Variants in SLC6A12 observed in about 807,000 individuals in gnomAD.
The protein encoded by SLC6A12 is solute carrier family 6 member 12, also known as sodium- and chloride-dependent betaine transporter.
Under a neutral mutation model 73.3 loss-of-function variants are expected in SLC6A12, and 50 were observed. The observed-to-expected ratio is 0.68, with a 90% CI of 0.54 to 0.86. The LOEUF (loss-of-function observed/expected upper bound fraction) is 0.86. Among genes scored for constraint, SLC6A12 ranks in the 40% least tolerant of loss-of-function variants. SLC6A12 has a pLI of 0.00. For missense variants in SLC6A12, 648 were observed against 772.8 expected (o/e 0.84, Z 1.92); for synonymous variants, 304 against 309.2 (o/e 0.98, Z 0.18).
At chr12:204,478 A>G (rs1003697254) in intron 4 of SLC6A12, 86 bp downstream of exon 4, 69 of 1,296,284 alleles carry the variant, frequency 5.3e-5, no homozygotes, top group Admixed American at 1.2e-4. Context: ...TGGGTGAAGC[A>G]GCGGATGGGT....
chr12:187,593 A>AGAGC (rs1366696643), downstream of SLC6A12, among the ~76,000 whole-genome samples: 27 of 4,212 alleles, frequency 6.4e-3, no homozygotes, highest in African/African-American at 9.9e-3. Context: ...AAAGAGCAAA[A>AGAGC]AAAAAAAAAA....
downstream of SLC6A12, among the ~76,000 whole-genome samples, chr12:187,450 A>C (rs1025114716): frequency 6.6e-6 from 1 of 151,342 alleles, no homozygotes; most frequent in Non-Finnish European, 1.5e-5. Flanking sequence ...GCGCGTCTGG[A>C]GTTTTTTTTT....
chr12:202,636 G>T, intron 5 of SLC6A12, 104 bp downstream of exon 5: 1 of 1,250,370 alleles, frequency 8.0e-7, no homozygotes, highest in Non-Finnish European at 1.1e-6. Context: ...TTGGCTGCCA[G>T]GCAGGTTCTG....
At chr12:197,256 A>T (rs1056752189) in intron 10 of SLC6A12, 121 bp downstream of exon 10, 1 of 1,151,772 alleles carries the variant, frequency 8.7e-7, no homozygotes, top group East Asian at 3.0e-5. Context: ...TAAAATTAAA[A>T]CCTACTACCC....
At position 205,493 on chromosome 12, in the gene SLC6A12, A is replaced by G. The variant is rs151284204; in HGVS notation, c.215-795T>C. On this transcript the variant is annotated intron_variant, in intron 3 of 15. Coordinates refer to ENST00000684302, the MANE Select transcript of SLC6A12 (RefSeq NM_001122848.3). ...CTCCCATGGGGCAGGCTCTACTGTT[A>G]TCCCCATTTTGCAGATAATAAAACT... 2.8e-3 allele frequency among the ~76,000 whole-genome samples: 434 copies of G among 152,350 alleles called. 1 individual carries two copies. The highest frequency in any genetic ancestry group is 4.6e-3 in the Non-Finnish European group (314 of 68,044).
rs1322297476 is a variant in SLC6A12, at chr12:190,227, CTT to C, written c.*839_*840del. On this transcript the variant is annotated 3_prime_UTR_variant, in exon 16 of 16. Coordinates refer to ENST00000684302, the MANE Select transcript of SLC6A12 (RefSeq NM_001122848.3). Reference sequence around the variant, plus strand: ...TGAACTTGAAAAAGTCCCTTTGTCTCTTTGGTCTCCAGGTTCCTCATCCATGA... The same window carrying C: ...TGAACTTGAAAAAGTCCCTTTGTCTCTGGTCTCCAGGTTCCTCATCCATGA... 1 of 152,252 alleles carries C rather than the reference CTT, an allele frequency of 6.6e-6. No homozygotes were observed. The highest frequency in any genetic ancestry group is 1.5e-5 in the Non-Finnish European group (1 of 68,058). The allele number at this position is 152,252 out of a possible 1,614,324, so 9.4% of individuals were successfully genotyped here.
rs954275530 is a variant in SLC6A12 at position 213,895 on chromosome 12, G to C, written c.-143+27C>G. 3.3e-5 allele frequency: 5 copies of C among 152,782 alleles called. No individual in the cohort carries two copies. The highest frequency in any genetic ancestry group is 1.2e-4 in the African/African-American group (5 of 41,556). The allele number at this position is 152,782 out of a possible 1,614,324, so 9.5% of individuals were successfully genotyped here. A position where few individuals can be genotyped will look rare whatever the true frequency, so the allele number is the denominator to read the frequency against. ...GCAGCAGTTGGAGACTGCAAAGACA[G>C]AGCCAGCCCCTCCACTTCCCGCTCA... is the stretch of plus-strand genomic sequence containing the variant. On this transcript the variant is annotated intron_variant, in intron 1 of 15. Coordinates refer to ENST00000684302, the MANE Select transcript of SLC6A12 (RefSeq NM_001122848.3). This position sits in a 1 kb window ranked among gnomAD's most constrained non-coding sequence, Gnocchi z 5.3.
At chr12:203,069 T>C (rs1407410186) in intron 4 of SLC6A12, among the ~76,000 whole-genome samples, 189 bp from the exon 5 acceptor site, 14 of 137,798 alleles carry the variant, frequency 1.0e-4, no homozygotes, top group South Asian at 2.5e-4. Flanking sequence ...CTTTTTTTTT[T>C]TTTTTTTTTT....
At chr12:197,796 A>G in intron 9 of SLC6A12, 104 bp downstream of exon 9, 1 of 801,584 alleles carries the variant, frequency 1.2e-6, no homozygotes, top group Non-Finnish European at 2.0e-6. Flanking sequence ...TACAACGTAT[A>G]ATGAATAAGG....
intron 4 of SLC6A12, 42 bp from the exon 5 acceptor site, chr12:202,922 A>C: frequency 1.9e-6 from 3 of 1,591,458 alleles, no homozygotes; most frequent in Non-Finnish European, 2.6e-6. Context: ...AAGAGAGATC[A>C]ATGTTAGCAA....
At chr12:191,441 G>A (rs529728788) in intron 15 of SLC6A12, among the ~76,000 whole-genome samples, 10 of 152,292 alleles carry the variant, frequency 6.6e-5, no homozygotes, top group South Asian at 6.2e-4. Flanking sequence ...GCCGACCTGC[G>A]CCACCTAAGG....
intron 5 of SLC6A12, 84 bp downstream of exon 5, chr12:202,656 T>C: frequency 2.1e-6 from 3 of 1,435,380 alleles, no homozygotes; most frequent in Non-Finnish European, 2.9e-6. Flanking sequence ...GCTACACTTA[T>C]ACTCCCCGTC....
At position 196,227 on chromosome 12, in the gene SLC6A12, A is replaced by C; in HGVS notation, c.1223T>G (p.Ile408Arg). The change falls in exon 12 of 16, where the codon ATA becomes AGA. Residue 408 changes from isoleucine to arginine, a missense_variant. Transcript: ENST00000684302. Reference sequence around the variant, plus strand: ...CCGGAGCTGCCTGGGGAACATGTCTATGGAGGCTGTCACCAGGCACTCCAC... The same window carrying C: ...CCGGAGCTGCCTGGGGAACATGTCTCTGGAGGCTGTCACCAGGCACTCCAC... ...VCVECLVTAS[I>R]DMFPRQLRKS... 1 of 1,604,690 alleles carries C rather than the reference A, an allele frequency of 6.2e-7. No homozygotes were observed. Among genetic ancestry groups the C allele is most frequent in the Non-Finnish European group, 8.5e-7 (1 of 1,176,848 alleles).
intron 2 of SLC6A12, chr12:210,262 AC>A: frequency 8.7e-7 from 1 of 1,143,228 alleles, no homozygotes; most frequent in Non-Finnish European, 1.2e-6. Context: ...GAAGTGATTC[AC>A]CCAAGACCAC....
intron 2 of SLC6A12, 39 bp from the exon 3 acceptor site, chr12:210,082 T>C: frequency 6.6e-7 from 1 of 1,510,562 alleles, no homozygotes; most frequent in Non-Finnish European, 8.9e-7. Flanking sequence ...AAACCCGACA[T>C]GCTCCCGCCA....
downstream of SLC6A12, among the ~76,000 whole-genome samples, chr12:186,343 C>T (rs192032620): frequency 3.4e-4 from 52 of 152,324 alleles, no homozygotes; most frequent in Middle Eastern, 6.8e-3. Flanking sequence ...CAGCTGTCAG[C>T]CAGGTGAAGG....
At chr12:187,927 G>A (rs942453745), downstream of SLC6A12, among the ~76,000 whole-genome samples, 11 of 152,164 alleles carry the variant, frequency 7.2e-5, no homozygotes, top group African/African-American at 2.7e-4. Context: ...GCTAGACACA[G>A]GGTGCTGATT....
At chr12:187,271 G>A (rs987317085), downstream of SLC6A12, among the ~76,000 whole-genome samples, 2 of 152,080 alleles carry the variant, frequency 1.3e-5, no homozygotes, top group African/African-American at 2.4e-5. Context: ...GCATGAAGCC[G>A]CAGACCCTCA....
chr12:206,217 C>G (rs1206118543), intron 3 of SLC6A12, among the ~76,000 whole-genome samples: 1 of 152,330 alleles, frequency 6.6e-6, no homozygotes, highest in East Asian at 1.9e-4. Flanking sequence ...ACTCTGTACA[C>G]GTTAAACACT....
Sources: allele counts gnomAD v4.1 joint callset (sites outside exome capture counted in the v4.1 genomes callset), GRCh38; gene constraint gnomAD v4.1.1; non-coding constraint Gnocchi (gnomAD v3.1); transcripts MANE v1.5; gene names NCBI Gene and HGNC (gene_info 2026-07-23, HGNC 2026-07-21).